Variants in GRIN2B observed in about 807,000 individuals in gnomAD.
The protein encoded by GRIN2B is glutamate ionotropic receptor NMDA type subunit 2B.
In GRIN2B, 5 loss-of-function variants were observed where a neutral mutation model predicts 114.5. The ratio of observed to expected loss-of-function variants is 0.04; its 90% CI spans 0.02 to 0.09. The LOEUF (loss-of-function observed/expected upper bound fraction) is 0.09. GRIN2B is among the 10% of genes least tolerant of loss of function. GRIN2B has a pLI of 1.00. For synonymous variants in GRIN2B, 787 were observed against 745.1 expected, an observed-to-expected ratio of 1.06 and a Z score of -0.92; for missense variants, 1,108 against 1,943.5, an observed-to-expected ratio of 0.57 and a Z score of 8.08.
intron 3 of GRIN2B, among the ~76,000 whole-genome samples, chr12:13,864,038 G>T (rs749227666): frequency 6.6e-6 from 1 of 152,094 alleles, no homozygotes; most frequent in African/African-American, 2.4e-5. Flanking sequence ...CAACTCAACG[G>T]GTTCTGCCAC....
chr12:13,634,912 T>C (rs2160519), intron 5 of GRIN2B, among the ~76,000 whole-genome samples: 5,337 of 152,336 alleles, frequency 0.035, 217 homozygotes, highest in East Asian at 0.2. Context: ...CTGGGCAGTA[T>C]AGCCCATTCC....
intron 2 of GRIN2B, among the ~76,000 whole-genome samples, chr12:13,883,100 A>G (rs1373498883): frequency 2.0e-5 from 3 of 152,084 alleles, no homozygotes; most frequent in South Asian, 2.1e-4. Context: ...CATCCTTTTT[A>G]TTGCTGAGTA....
intron 2 of GRIN2B, among the ~76,000 whole-genome samples, chr12:13,926,469 C>T (rs956466686): frequency 1.3e-5 from 2 of 152,168 alleles, no homozygotes; most frequent in Admixed American, 6.5e-5. Flanking sequence ...CAGTTGACAG[C>T]ATGTGCTCAG....
chr12:13,738,248 A>G (rs989883092), intron 4 of GRIN2B, among the ~76,000 whole-genome samples: 1 of 152,210 alleles, frequency 6.6e-6, no homozygotes, highest in Admixed American at 6.5e-5. Context: ...AAAGAACATC[A>G]CTTTCTAGTG....
At chr12:13,645,081 C>T (rs1949750105) in intron 5 of GRIN2B, among the ~76,000 whole-genome samples, 1 of 152,210 alleles carries the variant, frequency 6.6e-6, no homozygotes, top group East Asian at 1.9e-4. Context: ...TTGTTTTGTA[C>T]AAGAGACCTA....
rs147292010 is a variant in GRIN2B at position 13,741,262 on chromosome 12, C to A, written c.1010+12055G>T. Reference sequence around the variant, plus strand: ...GCCCAGGCTGTTCTTGAACTCCTGACCTCATGATCCACCCACCTTGGCCTT... The same window carrying A: ...GCCCAGGCTGTTCTTGAACTCCTGAACTCATGATCCACCCACCTTGGCCTT... On this transcript the variant is annotated intron_variant, in intron 4 of 13. Transcript: ENST00000609686. Among the ~76,000 whole-genome samples, 210 of 152,190 alleles carry A rather than the reference C, an allele frequency of 1.4e-3. 5 individuals carry two copies. The East Asian group carries it at 0.037, about 27-fold the overall frequency.
chr12:13,702,902 T>C (rs565307209), intron 4 of GRIN2B, among the ~76,000 whole-genome samples: 1 of 152,330 alleles, frequency 6.6e-6, no homozygotes, highest in Non-Finnish European at 1.5e-5. Flanking sequence ...AATTAACTCA[T>C]TGCTTACAAG....
intron 8 of GRIN2B, among the ~76,000 whole-genome samples, chr12:13,613,865 C>A (rs554612100): frequency 6.6e-6 from 1 of 152,190 alleles, no homozygotes; most frequent in Admixed American, 6.5e-5. Flanking sequence ...CGTAAACACA[C>A]CCTGCCTGAC....
intron 3 of GRIN2B, among the ~76,000 whole-genome samples, chr12:13,765,780 G>A (rs1863772451): frequency 6.6e-6 from 1 of 152,194 alleles, no homozygotes; most frequent in South Asian, 2.1e-4. Context: ...TCAGAGACAT[G>A]AAGGGTCTTG....
intron 4 of GRIN2B, among the ~76,000 whole-genome samples, chr12:13,716,640 T>C (rs568965947): frequency 6.6e-6 from 1 of 151,988 alleles, no homozygotes; most frequent in South Asian, 2.1e-4. Flanking sequence ...AGGAAAGAAA[T>C]GCTTTCAATG....
intron 10 of GRIN2B, among the ~76,000 whole-genome samples, chr12:13,589,992 C>T (rs529398374): frequency 1.6e-4 from 24 of 152,142 alleles, no homozygotes; most frequent in African/African-American, 5.3e-4. Flanking sequence ...AACTTTATTG[C>T]TAAACACAGT....
At chr12:13,859,754 G>T (rs754980958) in intron 3 of GRIN2B, among the ~76,000 whole-genome samples, 7 of 152,174 alleles carry the variant, frequency 4.6e-5, no homozygotes, top group African/African-American at 7.2e-5. Flanking sequence ...TCCCCATCAA[G>T]AAAGAAGAAA....
chr12:13,681,152 C>T (rs1163174065), intron 4 of GRIN2B, among the ~76,000 whole-genome samples: 2 of 152,114 alleles, frequency 1.3e-5, no homozygotes, highest in Non-Finnish European at 2.9e-5. Context: ...AACCAACAGC[C>T]CTAGAACTAC....
chr12:13,895,187 T>C (rs1565578447), intron 2 of GRIN2B, among the ~76,000 whole-genome samples: 1 of 152,194 alleles, frequency 6.6e-6, no homozygotes, highest in Non-Finnish European at 1.5e-5. Flanking sequence ...AAAGAAATCA[T>C]GAGGTCAAAG....
At chr12:13,937,594 G>A (rs1035327786) in intron 2 of GRIN2B, among the ~76,000 whole-genome samples, 2 of 152,066 alleles carry the variant, frequency 1.3e-5, no homozygotes, top group African/African-American at 2.4e-5. Context: ...AAAGCTAAGT[G>A]ACAGAACAGC....
At chr12:13,711,853 T>C (rs989897154) in intron 4 of GRIN2B, among the ~76,000 whole-genome samples, 30 of 152,144 alleles carry the variant, frequency 2.0e-4, no homozygotes, top group African/African-American at 6.8e-4. Context: ...AGAAATACCA[T>C]TTGACCCAGC....
chr12:13,646,644 T>TTCCTCC (rs745510781), intron 5 of GRIN2B, among the ~76,000 whole-genome samples: 4 of 151,894 alleles, frequency 2.6e-5, no homozygotes, highest in Admixed American at 1.3e-4. Flanking sequence ...CTTCCTCTTC[T>TTCCTCC]TCCTCCTCCT....
intron 5 of GRIN2B, among the ~76,000 whole-genome samples, chr12:13,631,474 C>T (rs1276385816): frequency 6.6e-6 from 1 of 152,066 alleles, no homozygotes; most frequent in Non-Finnish European, 1.5e-5. Flanking sequence ...TAGCTACTCC[C>T]TGGACAAAGG....
Position 13,823,896 on chromosome 12 carries a change from T to A in GRIN2B, c.411+41902A>T, listed in dbSNP as rs149501033. ...TTTTTTCAAACTGTTCCCTGCATTA[T>A]TGAAGTGATCATATATATTTTTCAT... is the stretch of plus-strand genomic sequence containing the variant. On this transcript the variant is annotated intron_variant, in intron 3 of 13. Coordinates refer to ENST00000609686, the MANE Select transcript of GRIN2B (RefSeq NM_000834.5). 1.1e-4 allele frequency among the ~76,000 whole-genome samples: 16 copies of A among 152,270 alleles called. No homozygotes were observed. In the East Asian group the frequency reaches 3.1e-3, roughly 29 times the overall value.
Sources: allele counts gnomAD v4.1 joint callset (sites outside exome capture counted in the v4.1 genomes callset), GRCh38; gene constraint gnomAD v4.1.1; transcripts MANE v1.5; gene names NCBI Gene and HGNC (gene_info 2026-07-23, HGNC 2026-07-21).